NSUN6: variants seen among roughly 807,000 people sequenced by gnomAD.
The protein encoded by NSUN6 is NOP2/Sun RNA methyltransferase 6.
NSUN6 carries 64 observed loss-of-function variants against 58.0 expected under a neutral mutation model. The observed-to-expected ratio is 1.10, with a 90% CI of 0.90 to 1.36. The LOEUF (loss-of-function observed/expected upper bound fraction) is 1.36, where lower values mean the gene tolerates loss of function less well. Among genes scored for constraint, NSUN6 ranks in the 40% most tolerant of loss-of-function variants. NSUN6 has a pLI of 0.00. For synonymous variants in NSUN6, 231 were observed against 193.9 expected, an observed-to-expected ratio of 1.19 and a Z score of -1.59; for missense variants, 701 against 550.1, an observed-to-expected ratio of 1.27 and a Z score of -2.74.
At chr10:18,573,954 C>CT (rs1374937318) in intron 8 of NSUN6, among the ~76,000 whole-genome samples, 1 of 152,092 alleles carries the variant, frequency 6.6e-6, no homozygotes, top group Non-Finnish European at 1.5e-5. Flanking sequence ...CAGGAGAAGC[C>CT]TAACCATATC....
At position 18,558,832 on chromosome 10, in the gene NSUN6, G is replaced by A. The variant is rs1167346287; in HGVS notation, c.923-6861C>T. ...TGGAAGGGAGAATGGAATGAAAAATGGAAAAGAATGGAATGGAGAATGCAA... is the reference window on the plus strand; with the variant it reads ...TGGAAGGGAGAATGGAATGAAAAATAGAAAAGAATGGAATGGAGAATGCAA... On this transcript the variant is annotated intron_variant, in intron 8 of 10. Transcript: ENST00000377304. Among the ~76,000 whole-genome samples, 3 of 150,422 alleles carry A rather than the reference G, an allele frequency of 2.0e-5. No homozygotes were observed. The Admixed American group carries it at 2.0e-4, about 10-fold the overall frequency.
intron 7 of NSUN6, 28 bp from the exon 8 acceptor site, chr10:18,586,121 A>G (rs1169787307): frequency 6.7e-7 from 1 of 1,492,336 alleles, no homozygotes; most frequent in East Asian, 2.4e-5. Flanking sequence ...ACACACATGC[A>G]GAAAAAAAAA....
At chr10:18,616,322 T>C (rs1390504228) in intron 3 of NSUN6, 29 bp from the exon 4 acceptor site, 3 of 1,350,728 alleles carry the variant, frequency 2.2e-6, no homozygotes, top group Admixed American at 3.4e-5. Context: ...AGAAGTTTAA[T>C]AGTAACATAC....
intron 3 of NSUN6, among the ~76,000 whole-genome samples, chr10:18,626,089 TCTG>T: frequency 6.6e-6 from 1 of 152,064 alleles, no homozygotes; most frequent in African/African-American, 2.4e-5. Context: ...GTGCGGGAGA[TCTG>T]CTAAGTGACT....
At chr10:18,595,248 G>T (rs549008977) in intron 7 of NSUN6, among the ~76,000 whole-genome samples, 2 of 152,212 alleles carry the variant, frequency 1.3e-5, no homozygotes, top group East Asian at 3.9e-4. Context: ...GTTGTATGCC[G>T]CCAAAATTTT....
At chr10:18,630,776 CAA>C (rs1159489096) in intron 3 of NSUN6, among the ~76,000 whole-genome samples, 2 of 151,766 alleles carry the variant, frequency 1.3e-5, no homozygotes, top group Non-Finnish European at 2.9e-5. Context: ...GCTTACCCAC[CAA>C]AGAGTCCAGT....
intron 3 of NSUN6, among the ~76,000 whole-genome samples, chr10:18,633,921 G>A (rs1458938212): frequency 6.6e-6 from 1 of 152,062 alleles, no homozygotes; most frequent in Non-Finnish European, 1.5e-5. Context: ...AGAGACCCTC[G>A]GCTCTGCTCA....
intron 7 of NSUN6, among the ~76,000 whole-genome samples, chr10:18,590,041 C>G (rs1291924406): frequency 6.6e-6 from 1 of 151,086 alleles, no homozygotes; most frequent in Non-Finnish European, 1.5e-5. Flanking sequence ...CACACAGGCT[C>G]AAAATAAAGG....
rs748035317 is a variant in NSUN6, at chr10:18,551,879, A to G, written c.1015T>C (p.Trp339Arg). 9 of 1,613,470 alleles carry G rather than the reference A, an allele frequency of 5.6e-6. No homozygotes were observed. The highest frequency in any genetic ancestry group is 6.8e-6 in the Non-Finnish European group (8 of 1,179,582). The change falls in exon 9 of 11, where the codon TGG becomes CGG. Residue 339 changes from tryptophan (W) to arginine (R), a missense_variant. By Grantham distance (101) the Trp-to-Arg change is moderately radical. Coordinates refer to ENST00000377304, the MANE Select transcript of NSUN6 (RefSeq NM_182543.5). ...TATGATGCCACTTCCTTCACAGACC[A>G]AGTACAGGCCATGTTTGGTCTCTGT... ...MGQRPNMACT[W>R]SVKEVASYQP...
chr10:18,565,345 T>G (rs2055847242), intron 8 of NSUN6, among the ~76,000 whole-genome samples: 1 of 150,322 alleles, frequency 6.7e-6, no homozygotes, highest in African/African-American at 2.4e-5. Context: ...CCTTCCATTC[T>G]CCATTCTATT....
At chr10:18,548,026 A>G in intron 10 of NSUN6, 86 bp downstream of exon 10, 1 of 1,311,712 alleles carries the variant, frequency 7.6e-7, no homozygotes, top group Non-Finnish European at 1.1e-6. Context: ...AGTTTTACTT[A>G]TCTCTTCGTT....
chr10:18,619,121 T>C (rs192994129), intron 3 of NSUN6, among the ~76,000 whole-genome samples: 189 of 152,340 alleles, frequency 1.2e-3, no homozygotes, highest in African/African-American at 4.2e-3. Context: ...TTACTCATAG[T>C]GGTTTGATTC....
chr10:18,560,637 G>A lies in NSUN6; in HGVS notation c.923-8666C>T, dbSNP rs547645991. On this transcript the variant is annotated intron_variant, in intron 8 of 10. Transcript: ENST00000377304. The stretch of plus-strand genomic sequence containing the variant: ...ATGGAGTAGAGAATGGAATATAAAG[G>A]AATGGAATGGAGAATGGAATGGAGA... 3.3e-4 allele frequency among the ~76,000 whole-genome samples: 31 copies of A among 94,700 alleles called. 1 individual carries two copies. Among genetic ancestry groups the A allele is most frequent in the East Asian group, 3.0e-3 (9 of 3,018 alleles). The allele number at this position is 94,700 out of a possible 152,430, so 62.1% of individuals were successfully genotyped here.
At chr10:18,641,933 T>C (rs1389309698) in intron 3 of NSUN6, among the ~76,000 whole-genome samples, 2 of 152,084 alleles carry the variant, frequency 1.3e-5, no homozygotes, top group African/African-American at 4.8e-5. Context: ...CCAGGTGCAG[T>C]GGTGCGCAAC....
intron 6 of NSUN6, among the ~76,000 whole-genome samples, chr10:18,599,925 T>G (rs1418790851): frequency 6.6e-6 from 1 of 150,444 alleles, no homozygotes; most frequent in African/African-American, 2.4e-5. Context: ...TTCTGTGGAT[T>G]GTGTTTAAGC....
chr10:18,647,725 G>GTT lies in NSUN6; in HGVS notation c.231+763_231+764dup, dbSNP rs571301351. Among the ~76,000 whole-genome samples, 610 of 100,050 alleles carry GTT rather than the reference G, an allele frequency of 6.1e-3. 90 individuals are homozygous for GTT. The highest frequency in any genetic ancestry group is 0.021 in the African/African-American group (515 of 24,722). 65.6% of individuals were successfully genotyped at this position (100,050 alleles called of 152,430 possible). On this transcript the variant is annotated intron_variant, in intron 2 of 10. Transcript: ENST00000377304. ...TAAAACATAAGGCGCTCAACACCTTGTTTTTTTTTTTTTTTTTTTTTTTTT... is the reference window on the plus strand; with the variant it reads ...TAAAACATAAGGCGCTCAACACCTTGTTTTTTTTTTTTTTTTTTTTTTTTTTT...
intron 6 of NSUN6, among the ~76,000 whole-genome samples, chr10:18,600,993 T>TATATATATG (rs1554870074): frequency 7.9e-6 from 1 of 126,414 alleles, no homozygotes; most frequent in African/African-American, 2.9e-5. Context: ...TATATATATA[T>TATATATATG]TATATACTAG....
At chr10:18,573,700 T>C (rs1224913348) in intron 8 of NSUN6, among the ~76,000 whole-genome samples, 3 of 152,086 alleles carry the variant, frequency 2.0e-5, no homozygotes, top group African/African-American at 7.2e-5. Context: ...CATCTGCAGT[T>C]TGAGGGTTGC....
chr10:18,555,272 G>A (rs2054907260), intron 8 of NSUN6, among the ~76,000 whole-genome samples: 1 of 149,330 alleles, frequency 6.7e-6, no homozygotes, highest in South Asian at 2.1e-4. Context: ...GAATGTGAAT[G>A]AAATGGAATG....
Sources: allele counts gnomAD v4.1 joint callset (sites outside exome capture counted in the v4.1 genomes callset), GRCh38; gene constraint gnomAD v4.1.1; transcripts MANE v1.5; gene names NCBI Gene and HGNC (gene_info 2026-07-23, HGNC 2026-07-21).